Variants in LEKR1 observed in about 807,000 individuals in gnomAD.
The protein encoded by LEKR1 is leucine, glutamate and lysine rich 1.
Under a neutral mutation model 72.4 loss-of-function variants are expected in LEKR1, and 59 were observed. The ratio of observed to expected loss-of-function variants is 0.82; its 90% CI spans 0.66 to 1.01. The LOEUF is 1.01. Among genes scored for constraint, LEKR1 ranks in the 50% least tolerant of loss-of-function variants. LEKR1 has a pLI of 0.00. For synonymous variants in LEKR1, 257 were observed against 263.2 expected, an observed-to-expected ratio of 0.98 and a Z score of 0.23; for missense variants, 728 against 759.2, an observed-to-expected ratio of 0.96 and a Z score of 0.48.
Position 156,927,433 on chromosome 3 carries a change from A to T in LEKR1, c.388A>T (p.Arg130Ter). The change falls in exon 5 of 13, where the codon AGA becomes TGA. Residue 130 changes from arginine (R) to a stop codon, truncating the protein, a stop_gained. Transcript: ENST00000356539. LOFTEE classifies it high-confidence loss of function. ...TTTTTTTTTTTTACTTTGCAGTCAA[A>T]GATTGTCAGAGTACAAATATTTCTG... is the stretch of plus-strand genomic sequence containing the variant. ...KYRQSYIFSQRLSEYKYFWNK... is the reference protein window; with the variant it reads ...KYRQSYIFSQ The T allele has an allele frequency of 9.3e-7, 1 of 1,077,902 alleles. No individual in the cohort carries two copies. Among genetic ancestry groups the T allele is most frequent in the Non-Finnish European group, 1.2e-6 (1 of 863,390 alleles). 66.8% of individuals were successfully genotyped at this position (1,077,902 alleles called of 1,614,324 possible).
chr3:156,909,427 T>G (rs780674957), intron 3 of LEKR1, among the ~76,000 whole-genome samples: 1 of 152,048 alleles, frequency 6.6e-6, no homozygotes, highest in Non-Finnish European at 1.5e-5. Flanking sequence ...CAAGGAGGGC[T>G]GATCACGAGG....
At chr3:156,936,519 C>A (rs1576857483) in intron 5 of LEKR1, among the ~76,000 whole-genome samples, 1 of 151,242 alleles carries the variant, frequency 6.6e-6, no homozygotes, top group South Asian at 2.1e-4. Context: ...TATAACTATT[C>A]TTTTTTATTC....
chr3:156,828,276 C>G (rs1443547796), intron 1 of LEKR1, among the ~76,000 whole-genome samples: 1 of 152,248 alleles, frequency 6.6e-6, no homozygotes, highest in Admixed American at 6.5e-5. Flanking sequence ...TTTTTGACAA[C>G]TACGGTTTCC....
intron 3 of LEKR1, among the ~76,000 whole-genome samples, chr3:156,889,599 G>A (rs1395390290): frequency 1.3e-5 from 2 of 152,036 alleles, no homozygotes; most frequent in African/African-American, 2.4e-5. Flanking sequence ...CTTTTCCTCT[G>A]TGAACCCCTG....
intron 3 of LEKR1, among the ~76,000 whole-genome samples, chr3:156,889,311 A>AC (rs1720420792): frequency 6.6e-6 from 1 of 151,412 alleles, no homozygotes; most frequent in Admixed American, 6.6e-5. Context: ...AAAAAAAAAA[A>AC]ACCCAGCAGC....
intron 3 of LEKR1, among the ~76,000 whole-genome samples, chr3:156,902,807 A>C (rs1468025641): frequency 2.0e-5 from 3 of 152,056 alleles, no homozygotes; most frequent in African/African-American, 7.2e-5. Flanking sequence ...TATATTATAA[A>C]AGCTTTCATA....
chr3:156,969,172 C>G (rs1484873265), intron 6 of LEKR1, among the ~76,000 whole-genome samples: 2 of 151,882 alleles, frequency 1.3e-5, no homozygotes, highest in African/African-American at 4.8e-5. Context: ...CAAGAGAAAG[C>G]AAGAAAGATC....
chr3:157,036,964 A>G (rs767066063), intron 12 of LEKR1, among the ~76,000 whole-genome samples: 16 of 152,210 alleles, frequency 1.1e-4, no homozygotes, highest in Non-Finnish European at 1.8e-4. Context: ...AAGGAAGAAA[A>G]TGTCATCTTA....
At chr3:156,875,469 G>A (rs1176457180) in intron 3 of LEKR1, among the ~76,000 whole-genome samples, 1 of 152,174 alleles carries the variant, frequency 6.6e-6, no homozygotes, top group African/African-American at 2.4e-5. Flanking sequence ...CTCCCATTCT[G>A]TGGGCGGTCT....
chr3:156,927,356 A>G (rs1426749818), intron 4 of LEKR1, 73 bp from the exon 5 acceptor site: 3 of 599,442 alleles, frequency 5.0e-6, no homozygotes, highest in South Asian at 2.5e-5. Flanking sequence ...TGGTCACTCT[A>G]AAACTATTTT....
At chr3:156,900,759 T>A (rs1721949046) in intron 3 of LEKR1, among the ~76,000 whole-genome samples, 1 of 152,202 alleles carries the variant, frequency 6.6e-6, no homozygotes, top group African/African-American at 2.4e-5. Context: ...TTGAAGAGAA[T>A]TTTCCTCAGA....
At chr3:156,882,960 C>G (rs1429259223) in intron 3 of LEKR1, among the ~76,000 whole-genome samples, 1 of 151,128 alleles carries the variant, frequency 6.6e-6, no homozygotes, top group Admixed American at 6.6e-5. Context: ...AATGAGAACA[C>G]ATGGACACAG....
chr3:156,899,381 CATATAT>C (rs1491096854), intron 3 of LEKR1, among the ~76,000 whole-genome samples: 7 of 106,970 alleles, frequency 6.5e-5, no homozygotes, highest in South Asian at 5.7e-4. Flanking sequence ...CATATATACA[CATATAT>C]ACATGTATAT....
chr3:156,991,100 T>G (rs1244104506), intron 7 of LEKR1, among the ~76,000 whole-genome samples: 2 of 152,056 alleles, frequency 1.3e-5, no homozygotes, highest in Non-Finnish European at 2.9e-5. Flanking sequence ...AAAAGCAAAA[T>G]TAAAATATAG....
chr3:156,935,773 T>G (rs1350021676), intron 5 of LEKR1, among the ~76,000 whole-genome samples: 1 of 152,152 alleles, frequency 6.6e-6, no homozygotes, highest in Non-Finnish European at 1.5e-5. Context: ...GATATAGCCT[T>G]TTGTTGAAAT....
At chr3:156,944,032 A>G (rs1726465733) in intron 6 of LEKR1, among the ~76,000 whole-genome samples, 1 of 151,464 alleles carries the variant, frequency 6.6e-6, no homozygotes. Context: ...ATTTTTTTCA[A>G]ATGCATAATT....
intron 6 of LEKR1, among the ~76,000 whole-genome samples, chr3:156,948,814 A>T (rs9862338): frequency 2.0e-5 from 3 of 151,400 alleles, no homozygotes; most frequent in Non-Finnish European, 3.0e-5. Flanking sequence ...TTCTCTGCAA[A>T]CTCACCAGCA....
chr3:156,895,313 G>A (rs1721062605), intron 3 of LEKR1, among the ~76,000 whole-genome samples: 1 of 152,180 alleles, frequency 6.6e-6, no homozygotes. Context: ...TTAGAGAAAT[G>A]CAAATCAAAA....
At chr3:156,932,319 C>T (rs1725296426) in intron 5 of LEKR1, among the ~76,000 whole-genome samples, 1 of 151,996 alleles carries the variant, frequency 6.6e-6, no homozygotes, top group African/African-American at 2.4e-5. Flanking sequence ...GTAATATGTG[C>T]GTTCAGAAAT....
Sources: allele counts gnomAD v4.1 joint callset (sites outside exome capture counted in the v4.1 genomes callset), GRCh38; gene constraint gnomAD v4.1.1; transcripts MANE v1.5; gene names NCBI Gene and HGNC (gene_info 2026-07-23, HGNC 2026-07-21).